Variants in PBLD observed in about 807,000 individuals in gnomAD.
PBLD encodes the protein phenazine biosynthesis like protein domain containing.
PBLD carries 26 observed loss-of-function variants against 31.3 expected under a neutral mutation model. The observed-to-expected ratio is 0.83, with a 90% CI of 0.61 to 1.15. The LOEUF (loss-of-function observed/expected upper bound fraction) is 1.15, where lower values mean the gene tolerates loss of function less well. PBLD is among the 50% of genes most tolerant of loss of function. The pLI is 0.00. For missense variants in PBLD, 307 were observed against 351.7 expected (o/e 0.87, Z 1.02); for synonymous variants, 114 against 129.0 (o/e 0.88, Z 0.79).
In PBLD at chr10:68,310,759, G is replaced by A. The variant is rs149775027; in HGVS notation, c.-59-3856C>T. Among the ~76,000 whole-genome samples, 3 of 150,240 alleles carry A rather than the reference G, an allele frequency of 2.0e-5. 1 individual carries two copies. The highest frequency in any genetic ancestry group is 7.4e-5 in the African/African-American group (3 of 40,764). ...CATAATGCCTTCCAGGTTCACCCAT[G>A]TTGATGCAAATGATGGGAATTCTTT... On this transcript the variant is annotated intron_variant, in intron 1 of 9. Transcript: ENST00000358769.
At chr10:68,330,709 CGTGT>C (rs56166847) in intron 1 of PBLD, among the ~76,000 whole-genome samples, 10,718 of 142,678 alleles carry the variant, frequency 0.075, 446 homozygotes, top group East Asian at 0.12. Context: ...CCACGCCCGG[CGTGT>C]GTGTGTGTGT....
intron 9 of PBLD, 158 bp downstream of exon 9, chr10:68,285,190 T>G: frequency 6.8e-7 from 1 of 1,475,444 alleles, no homozygotes; most frequent in South Asian, 1.4e-5. Flanking sequence ...CTGTTTGGGG[T>G]GGAGGATCTT....
chr10:68,302,200 T>A (rs1473419460), intron 2 of PBLD, among the ~76,000 whole-genome samples: 1 of 152,242 alleles, frequency 6.6e-6, no homozygotes, highest in African/African-American at 2.4e-5. Flanking sequence ...CAGCTATGAA[T>A]TCCCTTGCTT....
chr10:68,290,229 G>T (rs1442519827), intron 6 of PBLD, among the ~76,000 whole-genome samples: 1 of 152,102 alleles, frequency 6.6e-6, no homozygotes, highest in Non-Finnish European at 1.5e-5. Context: ...CCTTGTTAGA[G>T]GCCAAGATAC....
intron 1 of PBLD, among the ~76,000 whole-genome samples, chr10:68,324,966 C>T (rs2044893830): frequency 6.6e-6 from 1 of 150,610 alleles, no homozygotes; most frequent in African/African-American, 2.4e-5. Context: ...TACATCTGGG[C>T]TAGGTGCAGT....
chr10:68,320,145 GAC>G (rs1291506932), intron 1 of PBLD, among the ~76,000 whole-genome samples: 2 of 151,866 alleles, frequency 1.3e-5, no homozygotes, highest in Non-Finnish European at 2.9e-5. Context: ...TAGATTCAAA[GAC>G]ACAAATAGGT....
At chr10:68,293,326 A>G (rs1349318237) in intron 4 of PBLD, among the ~76,000 whole-genome samples, 1 of 152,278 alleles carries the variant, frequency 6.6e-6, no homozygotes, top group African/African-American at 2.4e-5. Context: ...AACTTTTTAC[A>G]TAACAATGTA....
intron 1 of PBLD, among the ~76,000 whole-genome samples, chr10:68,330,739 T>C (rs1380477257): frequency 6.6e-6 from 1 of 151,362 alleles, no homozygotes; most frequent in Admixed American, 6.6e-5. Flanking sequence ...TGTGTGTGTG[T>C]GTGTGTGTGT....
At chr10:68,320,965 G>A (rs2044827252) in intron 1 of PBLD, among the ~76,000 whole-genome samples, 1 of 151,950 alleles carries the variant, frequency 6.6e-6, no homozygotes, top group Admixed American at 6.6e-5. Context: ...GGGACTACAG[G>A]TGCGCACCAC....
intron 1 of PBLD, among the ~76,000 whole-genome samples, chr10:68,310,869 A>G (rs10762222): frequency 0.97 from 145,332 of 150,284 alleles, 70,880 homozygotes; most frequent in Middle Eastern, 1. Context: ...TAAACCCATC[A>G]TAAGTTAAAA....
At chr10:68,325,028 G>A (rs111942429) in intron 1 of PBLD, among the ~76,000 whole-genome samples, 9,546 of 151,280 alleles carry the variant, frequency 0.063, 449 homozygotes, top group East Asian at 0.19. Flanking sequence ...GGCAGATCAC[G>A]AGGTCAGGAG....
Position 68,283,355 on chromosome 10 carries a change from C to A in PBLD, c.*822G>T, listed in dbSNP as rs1037533128. The A allele has an allele frequency of 5.3e-5, 8 of 152,160 alleles. No homozygotes were observed. Among genetic ancestry groups the A allele is most frequent in the African/African-American group, 1.4e-4 (6 of 41,428 alleles). The allele number at this position is 152,160 out of a possible 1,614,324, so 9.4% of individuals were successfully genotyped here. A position where few individuals can be genotyped will look rare whatever the true frequency, so the allele number is the denominator to read the frequency against. On this transcript the variant is annotated 3_prime_UTR_variant, in exon 10 of 10. Coordinates refer to ENST00000358769, the MANE Select transcript of PBLD (RefSeq NM_022129.4). ...TAAAATTACTTCTAAACTTGCCCCC[C>A]ACACATGAACTGTTTTCAGTTTGCT...
chr10:68,300,951 G>A (rs1415450107), intron 2 of PBLD, among the ~76,000 whole-genome samples: 1 of 152,116 alleles, frequency 6.6e-6, no homozygotes. Context: ...AGGCTGGAGT[G>A]CAGTGGTGCG....
At chr10:68,305,861 T>C (rs945260098) in intron 2 of PBLD, among the ~76,000 whole-genome samples, 2 of 152,188 alleles carry the variant, frequency 1.3e-5, no homozygotes, top group Non-Finnish European at 2.9e-5. Context: ...GTGATTTTCA[T>C]GTATAGCCAG....
chr10:68,297,855 C>G (rs1360928812), intron 2 of PBLD, among the ~76,000 whole-genome samples: 1 of 151,902 alleles, frequency 6.6e-6, no homozygotes, highest in Non-Finnish European at 1.5e-5. Context: ...GCCTGTAATC[C>G]CAGCACTTTG....
At chr10:68,286,652 T>C (rs1215607488) in intron 8 of PBLD, among the ~76,000 whole-genome samples, 1 of 152,022 alleles carries the variant, frequency 6.6e-6, no homozygotes, top group African/African-American at 2.4e-5. Context: ...AGGCAAACTC[T>C]TCCACCAAGC....
At chr10:68,298,864 T>C (rs1308150815) in intron 2 of PBLD, among the ~76,000 whole-genome samples, 2 of 151,698 alleles carry the variant, frequency 1.3e-5, no homozygotes, top group East Asian at 3.9e-4. Flanking sequence ...CCCAGCACCT[T>C]AGGAGGCTGA....
intron 2 of PBLD, among the ~76,000 whole-genome samples, chr10:68,302,361 C>T (rs943329577): frequency 6.6e-6 from 1 of 152,138 alleles, no homozygotes; most frequent in African/African-American, 2.4e-5. Context: ...ATCAGAAAAT[C>T]AGAGTAAAGT....
intron 1 of PBLD, among the ~76,000 whole-genome samples, chr10:68,329,492 C>G (rs1043053209): frequency 2.4e-4 from 36 of 152,174 alleles, no homozygotes; most frequent in African/African-American, 8.4e-4. Flanking sequence ...TTCCATCTGC[C>G]AAATCGGTTG....
Sources: allele counts gnomAD v4.1 joint callset (sites outside exome capture counted in the v4.1 genomes callset), GRCh38; gene constraint gnomAD v4.1.1; transcripts MANE v1.5; gene names NCBI Gene and HGNC (gene_info 2026-07-23, HGNC 2026-07-21).